PAFAH1B1: variants seen among roughly 807,000 people sequenced by gnomAD.
PAFAH1B1 encodes platelet-activating factor acetylhydrolase IB subunit beta.
In PAFAH1B1, 2 loss-of-function variants were observed where a neutral mutation model predicts 57.5. The ratio of observed to expected loss-of-function variants is 0.03; its 90% CI spans 0.01 to 0.11. The LOEUF (loss-of-function observed/expected upper bound fraction) is 0.11. Among genes scored for constraint, PAFAH1B1 ranks in the 10% least tolerant of loss-of-function variants. The pLI is 1.00. For missense variants in PAFAH1B1, 257 were observed against 512.0 expected, an observed-to-expected ratio of 0.50 and a Z score of 4.81; for synonymous variants, 152 against 169.6, an observed-to-expected ratio of 0.90 and a Z score of 0.81.
intron 1 of PAFAH1B1, among the ~76,000 whole-genome samples, chr17:2,614,958 C>A (rs1223086092): frequency 1.3e-5 from 2 of 152,110 alleles, no homozygotes; most frequent in African/African-American, 4.8e-5. Flanking sequence ...CAATGTTTGT[C>A]CTCACATTCC....
At chr17:2,594,258 C>T (rs1321161784) in intron 1 of PAFAH1B1, among the ~76,000 whole-genome samples, 2 of 152,224 alleles carry the variant, frequency 1.3e-5, no homozygotes, top group Admixed American at 6.5e-5. Context: ...TCGCTCCTCT[C>T]CTCCCGGGCC....
chr17:2,598,275 A>G (rs1246832273), intron 1 of PAFAH1B1, among the ~76,000 whole-genome samples: 1 of 152,090 alleles, frequency 6.6e-6, no homozygotes, highest in Non-Finnish European at 1.5e-5. Flanking sequence ...AAATAAAAAT[A>G]AGATGAAGAT....
At chr17:2,600,777 T>C (rs1480464478) in intron 1 of PAFAH1B1, among the ~76,000 whole-genome samples, 4 of 152,138 alleles carry the variant, frequency 2.6e-5, no homozygotes, top group African/African-American at 4.8e-5. Flanking sequence ...TTGCCCAGAC[T>C]GTAGTACAGT....
chr17:2,597,530 C>T (rs2068097411), intron 1 of PAFAH1B1, among the ~76,000 whole-genome samples: 1 of 149,956 alleles, frequency 6.7e-6, no homozygotes, highest in Admixed American at 6.7e-5. Flanking sequence ...CCTGTCTCAG[C>T]CTCTTGAGTA....
chr17:2,655,183 A>ATG (rs34493806), intron 2 of PAFAH1B1, among the ~76,000 whole-genome samples: 6,650 of 143,860 alleles, frequency 0.046, 150 homozygotes, highest in South Asian at 0.061. Context: ...ATATACATAT[A>ATG]TGTGTGTGTG....
chr17:2,613,255 ACCCC>A, intron 1 of PAFAH1B1: 1 of 173,838 alleles, frequency 5.8e-6, no homozygotes. Context: ...GTGTGGCCCC[ACCCC>A]CCACCCACCC....
chr17:2,657,277 T>A (rs1256819449), intron 2 of PAFAH1B1, among the ~76,000 whole-genome samples: 1 of 152,250 alleles, frequency 6.6e-6, no homozygotes, highest in Non-Finnish European at 1.5e-5. Flanking sequence ...AGAGTCTCAC[T>A]GTGTCACCCA....
intron 4 of PAFAH1B1, among the ~76,000 whole-genome samples, chr17:2,666,735 C>G (rs528323598): frequency 3.3e-5 from 5 of 152,104 alleles, no homozygotes; most frequent in African/African-American, 1.2e-4. Context: ...AGATACAAAT[C>G]GAAATTTTTC....
chr17:2,675,210 C>T (rs2069244279), intron 8 of PAFAH1B1, among the ~76,000 whole-genome samples: 1 of 152,102 alleles, frequency 6.6e-6, no homozygotes, highest in Non-Finnish European at 1.5e-5. Context: ...GCCATGTTGG[C>T]CAGGCTGCTC....
chr17:2,595,712 T>C, intron 1 of PAFAH1B1, among the ~76,000 whole-genome samples: 1 of 152,160 alleles, frequency 6.6e-6, no homozygotes. Context: ...TTAATGATCA[T>C]TGTTTGGATT....
intron 2 of PAFAH1B1, among the ~76,000 whole-genome samples, chr17:2,655,409 C>T (rs1328597081): frequency 6.6e-6 from 1 of 152,118 alleles, no homozygotes; most frequent in East Asian, 1.9e-4. Context: ...CACAGTGGCT[C>T]ACTTCTGTAA....
At chr17:2,671,746 G>T (rs576295346) in intron 6 of PAFAH1B1, among the ~76,000 whole-genome samples, 3 of 151,654 alleles carry the variant, frequency 2.0e-5, no homozygotes, top group Admixed American at 6.6e-5. Context: ...GGCAATACAG[G>T]CAAGCACCAC....
Position 2,594,138 on chromosome 17 carries a change from C to T in PAFAH1B1, c.-191+132C>T, listed in dbSNP as rs532837397. ...CTCCCATTCTCCCCTCCCCCTGCCTCCGCCGCCGCCTCCTCCTTCTTCTTC... is the reference window on the plus strand; with the variant it reads ...CTCCCATTCTCCCCTCCCCCTGCCTTCGCCGCCGCCTCCTCCTTCTTCTTC... On this transcript the variant is annotated intron_variant, in intron 1 of 10. Coordinates refer to ENST00000397195, the MANE Select transcript of PAFAH1B1 (RefSeq NM_000430.4). The T allele has an allele frequency of 3.5e-5, 14 of 395,460 alleles. No individual in the cohort carries two copies. The South Asian group carries it at 1.3e-3, about 38-fold the overall frequency. The allele number at this position is 395,460 out of a possible 1,614,324, so 24.5% of individuals were successfully genotyped here. A position where few individuals can be genotyped will look rare whatever the true frequency, so the allele number is the denominator to read the frequency against.
At chr17:2,679,134 T>A (rs2069322002) in intron 9 of PAFAH1B1, among the ~76,000 whole-genome samples, 1 of 152,134 alleles carries the variant, frequency 6.6e-6, no homozygotes. Context: ...TTTATAAAAA[T>A]GGTATCATGC....
In PAFAH1B1 at chr17:2,684,582, A is replaced by G. The variant is rs532014925; in HGVS notation, c.*2780A>G. On this transcript the variant is annotated 3_prime_UTR_variant, in exon 11 of 11. Coordinates refer to ENST00000397195, the MANE Select transcript of PAFAH1B1 (RefSeq NM_000430.4). ...CAAATATATATCTGTAACGTGCCCA[A>G]GAAATCCTAGCTGCGCTCTTGAGAG... is the stretch of plus-strand genomic sequence containing the variant. 1.3e-5 allele frequency: 2 copies of G among 152,792 alleles called. No homozygotes were observed. The highest frequency in any genetic ancestry group is 4.8e-5 in the African/African-American group (2 of 41,578). 9.5% of individuals were successfully genotyped at this position (152,792 alleles called of 1,614,324 possible).
intron 1 of PAFAH1B1, among the ~76,000 whole-genome samples, chr17:2,603,140 A>T (rs144307850): frequency 1.5e-4 from 23 of 152,278 alleles, no homozygotes; most frequent in African/African-American, 5.5e-4. Context: ...AACAGAGTGC[A>T]GTGAATACAT....
rs35332619 is a variant in PAFAH1B1, at chr17:2,672,285, CAAAAAA to C, written c.569-348_569-343del. On this transcript the variant is annotated intron_variant, in intron 6 of 10. Transcript: ENST00000397195. ...GGTAACAGAGCAAGTCCTTGCCTCACAAAAAAAAAAAAAAAAAAAAAAAAAAATGTT... is the reference window on the plus strand; with the variant it reads ...GGTAACAGAGCAAGTCCTTGCCTCACAAAAAAAAAAAAAAAAAAAAATGTT... Among the ~76,000 whole-genome samples, 39 of 69,588 alleles carry C rather than the reference CAAAAAA, an allele frequency of 5.6e-4. 1 individual carries two copies. In the South Asian group the frequency reaches 0.02, roughly 36 times the overall value. The allele number at this position is 69,588 out of a possible 152,430, so 45.7% of individuals were successfully genotyped here.
chr17:2,674,635 A>C (rs560515662), intron 8 of PAFAH1B1, among the ~76,000 whole-genome samples: 1 of 152,234 alleles, frequency 6.6e-6, no homozygotes, highest in Admixed American at 6.5e-5. Context: ...ATTAATGAAG[A>C]TAATGATTTT....
At chr17:2,624,267 G>A (rs184110101) in intron 1 of PAFAH1B1, among the ~76,000 whole-genome samples, 1 of 152,218 alleles carries the variant, frequency 6.6e-6, no homozygotes, top group Admixed American at 6.5e-5. Flanking sequence ...AGGTTTTCCT[G>A]TCTTCTGAGC....
Sources: gnomAD v4.1 joint callset for allele counts (sites outside exome capture counted in the v4.1 genomes callset) on GRCh38, gnomAD v4.1.1 for gene constraint, MANE v1.5 for transcripts, NCBI Gene and HGNC (gene_info 2026-07-23, HGNC 2026-07-21) for gene names.